Variants in CCSER1 observed in about 807,000 individuals in gnomAD.
CCSER1 encodes coiled-coil serine rich protein 1, also known as serine-rich coiled-coil domain-containing protein 1.
In CCSER1, 41 loss-of-function variants were observed where a neutral mutation model predicts 82.0. The ratio of observed to expected loss-of-function variants is 0.50; its 90% confidence interval spans 0.39 to 0.65. CCSER1 has a LOEUF of 0.65. Ranked by LOEUF, CCSER1 falls within the 30% of genes least tolerant of loss-of-function variation. CCSER1 has a pLI of 0.00. For synonymous variants in CCSER1, 414 were observed against 383.9 expected, an observed-to-expected ratio of 1.08 and a Z score of -0.92; for missense variants, 1,119 against 1,064.2, an observed-to-expected ratio of 1.05 and a Z score of -0.72.
intron 10 of CCSER1, among the ~76,000 whole-genome samples, chr4:91,157,682 G>A (rs1374490346): frequency 6.6e-6 from 1 of 151,972 alleles, no homozygotes; most frequent in Non-Finnish European, 1.5e-5. Context: ...GCTGGATCTT[G>A]TCTTTCCAGA....
At chr4:91,206,000 A>C (rs187337538) in intron 10 of CCSER1, among the ~76,000 whole-genome samples, 6 of 151,960 alleles carry the variant, frequency 3.9e-5, no homozygotes, top group African/African-American at 1.2e-4. Flanking sequence ...GCAGAGAGCT[A>C]AGGGAAAATA....
At chr4:90,206,613 A>G (rs906130216) in intron 1 of CCSER1, among the ~76,000 whole-genome samples, 7 of 151,956 alleles carry the variant, frequency 4.6e-5, no homozygotes, top group African/African-American at 1.7e-4. Flanking sequence ...TTTATTTCCA[A>G]TTATTTGGTC....
chr4:90,923,847 A>C (rs899496805), intron 9 of CCSER1, among the ~76,000 whole-genome samples: 1 of 152,240 alleles, frequency 6.6e-6, no homozygotes, highest in African/African-American at 2.4e-5. Context: ...AGACACTTAA[A>C]GGCAAAAACA....
At chr4:90,222,323 A>G (rs1347689954) in intron 1 of CCSER1, among the ~76,000 whole-genome samples, 2 of 152,194 alleles carry the variant, frequency 1.3e-5, no homozygotes, top group African/African-American at 4.8e-5. Flanking sequence ...TGTTCTTATA[A>G]TTAATTTTCC....
At chr4:91,473,825 G>GAGAT (rs1420087009) in intron 10 of CCSER1, among the ~76,000 whole-genome samples, 20 of 152,008 alleles carry the variant, frequency 1.3e-4, no homozygotes, top group Non-Finnish European at 2.5e-4. Flanking sequence ...ATCTTATGCT[G>GAGAT]AGATAGCTGA....
intron 7 of CCSER1, among the ~76,000 whole-genome samples, chr4:90,753,937 G>A (rs780927305): frequency 8.5e-5 from 13 of 152,114 alleles, no homozygotes; most frequent in Admixed American, 2.0e-4. Context: ...GTTTTCTTCC[G>A]TCTGTATCAT....
intron 1 of CCSER1, among the ~76,000 whole-genome samples, chr4:90,236,149 G>C (rs1745752126): frequency 6.6e-6 from 1 of 152,074 alleles, no homozygotes; most frequent in Non-Finnish European, 1.5e-5. Flanking sequence ...CGCTGCTCTT[G>C]AACTCTTGAG....
At chr4:90,491,825 A>G (rs1768073137) in intron 5 of CCSER1, among the ~76,000 whole-genome samples, 1 of 152,094 alleles carries the variant, frequency 6.6e-6, no homozygotes, top group Admixed American at 6.6e-5. Flanking sequence ...AAGTTTATTG[A>G]TTTGCATATG....
chr4:91,433,589 C>T (rs1754457500), intron 10 of CCSER1, among the ~76,000 whole-genome samples: 1 of 152,176 alleles, frequency 6.6e-6, no homozygotes, highest in Admixed American at 6.5e-5. Context: ...TAAACATTTA[C>T]CATGTGTTAC....
At chr4:90,257,597 A>T (rs1723572973) in intron 1 of CCSER1, among the ~76,000 whole-genome samples, 1 of 150,862 alleles carries the variant, frequency 6.6e-6, no homozygotes, top group African/African-American at 2.5e-5. Context: ...ACTTAGATAG[A>T]TAAAGAAGGA....
chr4:90,216,290 A>C (rs1367569), intron 1 of CCSER1, among the ~76,000 whole-genome samples: 93,437 of 152,096 alleles, frequency 0.61, 30,120 homozygotes, highest in East Asian at 0.83. Context: ...GCGCTTCACT[A>C]GTTGCCAGAT....
chr4:90,410,461 C>T (rs1016151944), intron 4 of CCSER1, among the ~76,000 whole-genome samples: 22 of 152,166 alleles, frequency 1.4e-4, no homozygotes, highest in Non-Finnish European at 2.8e-4. Flanking sequence ...CCAACTAGAA[C>T]TCAGCACTAA....
chr4:91,047,162 G>T (rs1342475834), intron 9 of CCSER1, among the ~76,000 whole-genome samples: 1 of 151,628 alleles, frequency 6.6e-6, no homozygotes, highest in African/African-American at 2.4e-5. Flanking sequence ...GGACCATTAA[G>T]AAGTGAGAGT....
At chr4:90,156,299 G>A (rs1385650886) in intron 1 of CCSER1, among the ~76,000 whole-genome samples, 2 of 152,048 alleles carry the variant, frequency 1.3e-5, no homozygotes. Context: ...CCAAGTATGT[G>A]GTCAATTTTG....
At chr4:91,499,111 T>C (rs137948071) in intron 10 of CCSER1, among the ~76,000 whole-genome samples, 283 of 152,146 alleles carry the variant, frequency 1.9e-3, no homozygotes, top group African/African-American at 6.6e-3. Flanking sequence ...TCAAATGTTA[T>C]GTTTCATTTC....
At chr4:90,715,356 A>T (rs566772897) in intron 6 of CCSER1, among the ~76,000 whole-genome samples, 2 of 151,840 alleles carry the variant, frequency 1.3e-5, no homozygotes, top group Admixed American at 6.6e-5. Context: ...TGTGAGATTC[A>T]CTCTGAAGGG....
chr4:90,330,670 A>G (rs934033912), intron 3 of CCSER1, among the ~76,000 whole-genome samples: 4 of 152,288 alleles, frequency 2.6e-5, no homozygotes, highest in Admixed American at 2.0e-4. Flanking sequence ...GCTTTTCTCT[A>G]ATAGCATTTA....
intron 9 of CCSER1, among the ~76,000 whole-genome samples, chr4:90,970,438 G>C (rs563871784): frequency 6.6e-6 from 1 of 151,752 alleles, no homozygotes; most frequent in Non-Finnish European, 1.5e-5. Flanking sequence ...CTAACATACA[G>C]CACCCAAATA....
At chr4:90,789,007 T>TACACACAC (rs57954085) in intron 7 of CCSER1, among the ~76,000 whole-genome samples, 1 of 149,390 alleles carries the variant, frequency 6.7e-6, no homozygotes, top group African/African-American at 2.5e-5. Context: ...ATCTAACACA[T>TACACACAC]ACACACACAC....
Sources: gnomAD v4.1 joint callset for allele counts (sites outside exome capture counted in the v4.1 genomes callset) on GRCh38, gnomAD v4.1.1 for gene constraint, MANE v1.5 for transcripts, NCBI Gene and HGNC (gene_info 2026-07-23, HGNC 2026-07-21) for gene names.